Variants in STXBP6 observed in about 807,000 individuals in gnomAD.
The protein encoded by STXBP6 is syntaxin-binding protein 6.
Under a neutral mutation model 26.9 loss-of-function variants are expected in STXBP6, and 21 were observed. The observed-to-expected ratio is 0.78, with a 90% CI of 0.55 to 1.12. The LOEUF (loss-of-function observed/expected upper bound fraction) is 1.12. Among genes scored for constraint, STXBP6 ranks in the 50% most tolerant of loss-of-function variants. The pLI is 0.00. For missense variants in STXBP6, 232 were observed against 257.9 expected, an observed-to-expected ratio of 0.90 and a Z score of 0.69; for synonymous variants, 97 against 92.6, an observed-to-expected ratio of 1.05 and a Z score of -0.27.
At chr14:24,964,332 C>T (rs1047576359) in intron 2 of STXBP6, among the ~76,000 whole-genome samples, 8 of 152,156 alleles carry the variant, frequency 5.3e-5, no homozygotes, top group East Asian at 1.9e-4. Flanking sequence ...GCTCAGAGCA[C>T]GGTAACTACC....
chr14:24,988,028 G>C (rs2074377533), intron 1 of STXBP6: 2 of 246,182 alleles, frequency 8.1e-6, no homozygotes, highest in Admixed American at 1.3e-4. Context: ...CAGCTGAGAA[G>C]AAATCAATAT....
intron 1 of STXBP6, among the ~76,000 whole-genome samples, chr14:25,035,604 T>C (rs1448029642): frequency 6.6e-6 from 1 of 152,202 alleles, no homozygotes; most frequent in Admixed American, 6.5e-5. Flanking sequence ...CACCTGGAAT[T>C]CTTTACAGGA....
intron 1 of STXBP6, among the ~76,000 whole-genome samples, chr14:25,036,149 G>A (rs2075546002): frequency 6.7e-6 from 1 of 149,142 alleles, no homozygotes; most frequent in Non-Finnish European, 1.5e-5. Context: ...CCCGGGAGAC[G>A]GAGGTTACAG....
At chr14:24,841,791 A>G (rs188051544) in intron 4 of STXBP6, among the ~76,000 whole-genome samples, 69 of 152,200 alleles carry the variant, frequency 4.5e-4, no homozygotes, top group Non-Finnish European at 8.1e-4. Context: ...GTGTTATAAC[A>G]TCTTAACGTT....
At chr14:24,934,468 C>T (rs2072527218) in intron 2 of STXBP6, among the ~76,000 whole-genome samples, 1 of 152,110 alleles carries the variant, frequency 6.6e-6, no homozygotes, top group Non-Finnish European at 1.5e-5. Flanking sequence ...CAGACATTCT[C>T]AAACATGAAA....
At chr14:24,940,950 G>A (rs1399677861) in intron 2 of STXBP6, among the ~76,000 whole-genome samples, 2 of 152,166 alleles carry the variant, frequency 1.3e-5, no homozygotes, top group African/African-American at 2.4e-5. Flanking sequence ...AGGAGGCAGA[G>A]CTTGCAGTGA....
rs572537358 is a variant in STXBP6, at chr14:24,932,224, T to C, written c.154+42441A>G. Among the ~76,000 whole-genome samples, 139 of 152,344 alleles carry C rather than the reference T, an allele frequency of 9.1e-4. 1 individual carries two copies. The highest frequency in any genetic ancestry group is 2.1e-3 in the South Asian group (10 of 4,834). On this transcript the variant is annotated intron_variant, in intron 2 of 5. Transcript: ENST00000323944. The stretch of plus-strand genomic sequence containing the variant: ...GAATTTGAGACCAACCTGGCTAACA[T>C]GGTGAAACTCCATCTCTACTAAAAA...
At chr14:24,993,431 G>A (rs1247974650) in intron 1 of STXBP6, among the ~76,000 whole-genome samples, 1 of 151,952 alleles carries the variant, frequency 6.6e-6, no homozygotes, top group Non-Finnish European at 1.5e-5. Flanking sequence ...ACATCTACCC[G>A]CTTCTCTTTC....
chr14:24,980,049 G>A (rs2074146328), intron 1 of STXBP6, among the ~76,000 whole-genome samples: 1 of 152,114 alleles, frequency 6.6e-6, no homozygotes, highest in African/African-American at 2.4e-5. Context: ...AATCTAAATG[G>A]AGAAATGTTA....
intron 1 of STXBP6, among the ~76,000 whole-genome samples, chr14:25,044,202 G>A (rs542596411): frequency 1.3e-4 from 19 of 144,858 alleles, no homozygotes; most frequent in Non-Finnish European, 2.4e-4. Context: ...AAAGGAATAC[G>A]GCTGCTATGA....
intron 2 of STXBP6, among the ~76,000 whole-genome samples, chr14:24,861,025 G>T (rs993464495): frequency 1.3e-5 from 2 of 151,824 alleles, no homozygotes; most frequent in African/African-American, 4.8e-5. Flanking sequence ...AACTTTATGT[G>T]GCCATTTCTC....
At chr14:24,955,135 T>C (rs1225018449) in intron 2 of STXBP6, among the ~76,000 whole-genome samples, 1 of 152,230 alleles carries the variant, frequency 6.6e-6, no homozygotes, top group African/African-American at 2.4e-5. Context: ...AAGTTCTTTG[T>C]TGCTCAGGTA....
chr14:24,926,494 T>A (rs1053824894), intron 2 of STXBP6, among the ~76,000 whole-genome samples: 1 of 152,120 alleles, frequency 6.6e-6, no homozygotes. Context: ...ATTTCACATA[T>A]TTTACGCCCT....
chr14:24,938,443 C>T (rs1463546005), intron 2 of STXBP6, among the ~76,000 whole-genome samples: 10 of 152,192 alleles, frequency 6.6e-5, no homozygotes, highest in Non-Finnish European at 1.5e-4. Flanking sequence ...AGTAATACTC[C>T]ACTCCAAGGC....
intron 2 of STXBP6, among the ~76,000 whole-genome samples, chr14:24,952,687 T>G (rs1488783034): frequency 6.6e-6 from 1 of 152,076 alleles, no homozygotes; most frequent in South Asian, 2.1e-4. Context: ...AAGGAAAAAA[T>G]AGCACAGTAG....
intron 5 of STXBP6, 117 bp downstream of exon 5, chr14:24,818,920 A>AG: frequency 7.4e-7 from 1 of 1,355,542 alleles, no homozygotes; most frequent in Non-Finnish European, 9.9e-7. Context: ...AATTACATAA[A>AG]GGGGAAATAG....
chr14:24,878,868 T>C, intron 2 of STXBP6: 4 of 430,560 alleles, frequency 9.3e-6, no homozygotes, highest in Admixed American at 7.3e-5. Flanking sequence ...TATTATGCCT[T>C]TCCCTATTCT....
intron 5 of STXBP6, among the ~76,000 whole-genome samples, chr14:24,813,154 G>T (rs939638353): frequency 6.6e-6 from 1 of 152,156 alleles, no homozygotes; most frequent in African/African-American, 2.4e-5. Context: ...AAAATCAACA[G>T]CTTTTAGTGA....
intron 1 of STXBP6, among the ~76,000 whole-genome samples, chr14:25,032,187 CTATTCTGCAGAG>C (rs2075470198): frequency 1.3e-5 from 2 of 152,194 alleles, no homozygotes; most frequent in Non-Finnish European, 2.9e-5. Context: ...CGAAGGCATT[CTATTCTGCAGAG>C]AGAAAGCACT....
Sources: allele counts gnomAD v4.1 joint callset (sites outside exome capture counted in the v4.1 genomes callset), GRCh38; gene constraint gnomAD v4.1.1; transcripts MANE v1.5; gene names NCBI Gene and HGNC (gene_info 2026-07-23, HGNC 2026-07-21).